Variants in COL1A2 observed in about 807,000 individuals in gnomAD.
COL1A2 encodes collagen alpha-2(I) chain.
A neutral mutation model predicts 174.3 loss-of-function variants in COL1A2; 49 were observed. The ratio of observed to expected loss-of-function variants is 0.28; its 90% CI spans 0.22 to 0.36. The LOEUF is 0.36. Among genes scored for constraint, COL1A2 ranks in the 10% least tolerant of loss-of-function variants. The pLI is 1.00. For synonymous variants in COL1A2, 655 were observed against 606.6 expected, an observed-to-expected ratio of 1.08 and a Z score of -1.17; for missense variants, 1,438 against 1,822.7, an observed-to-expected ratio of 0.79 and a Z score of 3.84.
chr7:94,423,600 GT>G (rs1303769331), intron 40 of COL1A2: 2 of 174,210 alleles, frequency 1.1e-5, no homozygotes, highest in Non-Finnish European at 2.5e-5. Flanking sequence ...TTTTGTTTTT[GT>G]TTTTTTGTTT....
At chr7:94,398,681 T>A (rs1336469391) in intron 3 of COL1A2, among the ~76,000 whole-genome samples, 1 of 152,004 alleles carries the variant, frequency 6.6e-6, no homozygotes, top group African/African-American at 2.4e-5. Flanking sequence ...AGGCATATTA[T>A]GTTAATTATA....
intron 25 of COL1A2, 24 bp from the exon 26 acceptor site, chr7:94,413,058 GT>G (rs759230646): frequency 1.2e-5 from 19 of 1,612,100 alleles, no homozygotes; most frequent in Admixed American, 1.7e-5. Context: ...GCTGTTCTTT[GT>G]TTTGTTTTTC....
chr7:94,420,241 T>A lies in COL1A2; in HGVS notation c.2088T>A (p.Ala696=). 3 of 1,613,546 alleles carry A rather than the reference T, an allele frequency of 1.9e-6. No homozygotes were observed. Among genetic ancestry groups the A allele is most frequent in the Non-Finnish European group, 2.5e-6 (3 of 1,180,040 alleles). ...PAGATGDRGE[A]GAAGPAGPAG... is the part of the protein sequence containing the mutation. Reference sequence around the variant, plus strand: ...CTTTGGTCCCATTATAGGGCGAAGCTGGGGCTGCTGGTCCTGCTGGTCCTG... The same window carrying A: ...CTTTGGTCCCATTATAGGGCGAAGCAGGGGCTGCTGGTCCTGCTGGTCCTG... The change falls in exon 35 of 52, where the codon GCT becomes GCA. Residue 696 remains alanine, a synonymous_variant. Coordinates refer to ENST00000297268, the MANE Select transcript of COL1A2 (RefSeq NM_000089.4).
chr7:94,423,035 G>T lies in COL1A2; in HGVS notation c.2482G>T (p.Val828Phe), dbSNP rs746817574. The T allele has an allele frequency of 3.1e-6, 5 of 1,614,200 alleles. No homozygotes were observed. In the East Asian group the frequency reaches 1.1e-4, roughly 36 times the overall value. The change falls in exon 40 of 52, where the codon GTT (valine) becomes TTT (phenylalanine). Residue 828 changes from valine (V) to phenylalanine (F), a missense_variant. Val to Phe is a conservative substitution (Grantham distance 50). Around this residue, in one of 3 missense-constraint regions of COL1A2, gnomAD observed 867 missense variants for 1,213.7 expected, o/e 0.71. Transcript: ENST00000297268. ...TGGTCCTCGTGGTGACCAAGGTCCA[G>T]TTGGCCGAACTGGAGAAGTAGGTGC... is the stretch of plus-strand genomic sequence containing the variant. The part of the protein sequence containing the change: ...LRGPRGDQGP[V>F]GRTGEVGAVG...
intron 50 of COL1A2, 109 bp from the exon 51 acceptor site, chr7:94,429,079 A>AGT: frequency 1.1e-6 from 1 of 907,118 alleles, no homozygotes; most frequent in Non-Finnish European, 1.7e-6. Flanking sequence ...CTTGGATCTG[A>AGT]GTCTACTCTT....
chr7:94,410,813 C>A, intron 21 of COL1A2, 76 bp from the exon 22 acceptor site: 2 of 1,489,312 alleles, frequency 1.3e-6, no homozygotes, highest in South Asian at 1.1e-5. Context: ...GGAGATCATG[C>A]TATTTTTTAC....
At chr7:94,427,580 C>T in intron 48 of COL1A2, 47 bp from the exon 49 acceptor site, 1 of 1,610,252 alleles carries the variant, frequency 6.2e-7, no homozygotes, top group Non-Finnish European at 8.5e-7. Flanking sequence ...ATGTCTCTCA[C>T]TGTAACAAAA....
chr7:94,421,199 A>C, intron 38 of COL1A2, 137 bp downstream of exon 38: 1 of 835,134 alleles, frequency 1.2e-6, no homozygotes, highest in Non-Finnish European at 2.0e-6. Flanking sequence ...TATTCAGAGC[A>C]ATTCCGATAT....
chr7:94,396,143 AATG>A (rs1197555580), intron 1 of COL1A2, among the ~76,000 whole-genome samples: 2 of 152,066 alleles, frequency 1.3e-5, no homozygotes, highest in African/African-American at 4.8e-5. Context: ...GTCAACAGAG[AATG>A]AAGAAGATCA....
intron 48 of COL1A2, 136 bp downstream of exon 48, chr7:94,427,431 G>A (rs1792301995): frequency 9.3e-7 from 1 of 1,073,486 alleles, no homozygotes; most frequent in South Asian, 1.4e-5. Context: ...TCTGGAAATT[G>A]TCTATATGCA....
intron 12 of COL1A2, 126 bp from the exon 13 acceptor site, chr7:94,407,721 T>G: frequency 1.3e-6 from 1 of 798,604 alleles, no homozygotes. Flanking sequence ...AAAAACAATC[T>G]ATATGTGTAA....
At chr7:94,423,265 C>A in intron 40 of COL1A2, 147 bp downstream of exon 40, 1 of 918,536 alleles carries the variant, frequency 1.1e-6, no homozygotes, top group African/African-American at 1.6e-5. Flanking sequence ...CTGTCCAGCA[C>A]ACACTGAGGG....
Position 94,417,846 on chromosome 7 carries a change from C to G in COL1A2, c.1971+15C>G, listed in dbSNP as rs1792074205. On this transcript the variant is annotated intron_variant, in intron 32 of 51. Transcript: ENST00000297268. The stretch of plus-strand genomic sequence containing the variant: ...AGGGAGAAAAGGTACGTGTTGACCC[C>G]TATTACATATTGTTGATGAACTCTA... The G allele has an allele frequency of 6.4e-7, 1 of 1,567,026 alleles. No homozygotes were observed. The highest frequency in any genetic ancestry group is 8.7e-7 in the Non-Finnish European group (1 of 1,151,322).
At chr7:94,423,172 G>A (rs1584328094) in intron 40 of COL1A2, 54 bp downstream of exon 40, 2 of 1,599,620 alleles carry the variant, frequency 1.3e-6, no homozygotes, top group East Asian at 2.2e-5. Context: ...TTAAAATAAA[G>A]CCCCTACACA....
rs1584322251 is a variant in COL1A2 at position 94,413,540 on chromosome 7, C to T, written c.1558-150C>T. 2.1e-5 allele frequency: 16 copies of T among 756,342 alleles called. No homozygotes were observed. The East Asian group carries it at 4.0e-4, about 19-fold the overall frequency. The allele number at this position is 756,342 out of a possible 1,614,324, so 46.9% of individuals were successfully genotyped here. A position where few individuals can be genotyped will look rare whatever the true frequency, so the allele number is the denominator to read the frequency against. Reference sequence around the variant, plus strand: ...ATTAAAAATTTAAAAAGTTAGTAGGCAGTATTTGGGCTTTCGTGGGAACCC... The same window carrying T: ...ATTAAAAATTTAAAAAGTTAGTAGGTAGTATTTGGGCTTTCGTGGGAACCC... On this transcript the variant is annotated intron_variant, in intron 26 of 51. Transcript: ENST00000297268.
At position 94,416,295 on chromosome 7, in the gene COL1A2, A is replaced by G. The variant is rs570236916; in HGVS notation, c.1765-110A>G. The G allele has an allele frequency of 1.6e-5, 15 of 922,938 alleles. No individual in the cohort carries two copies. In the African/African-American group the frequency reaches 1.8e-4, roughly 11 times the overall value. 57.2% of individuals were successfully genotyped at this position (922,938 alleles called of 1,614,324 possible). A position where few individuals can be genotyped will look rare whatever the true frequency, so the allele number is the denominator to read the frequency against. On this transcript the variant is annotated intron_variant, in intron 30 of 51. Transcript: ENST00000297268. The stretch of plus-strand genomic sequence containing the variant: ...GAACAAAAGAAATTTTAATTTGCTA[A>G]TAAATGCAAACCAGGGCTCGGAAGC...
intron 11 of COL1A2, 129 bp downstream of exon 11, chr7:94,405,855 A>G: frequency 6.0e-6 from 5 of 837,534 alleles, no homozygotes. Flanking sequence ...GGGAAGAAAG[A>G]GTTAAAGAGT....
intron 34 of COL1A2, 75 bp downstream of exon 34, chr7:94,419,626 C>A: frequency 6.6e-7 from 1 of 1,526,266 alleles, no homozygotes; most frequent in Non-Finnish European, 9.1e-7. Context: ...AGAGCCCCAG[C>A]AATTCATTTT....
chr7:94,421,753 A>G, intron 38 of COL1A2, 146 bp from the exon 39 acceptor site: 1 of 701,682 alleles, frequency 1.4e-6, no homozygotes, highest in South Asian at 1.7e-5. Context: ...CTGGCTAAAT[A>G]ATGCCCTATA....
Sources: gnomAD v4.1 joint callset for allele counts (sites outside exome capture counted in the v4.1 genomes callset) on GRCh38, gnomAD v4.1.1 for gene constraint, gnomAD v4.1.1 regional missense constraint, MANE v1.5 for transcripts, NCBI Gene and HGNC (gene_info 2026-07-23, HGNC 2026-07-21) for gene names.